GDF5: variants seen among roughly 807,000 people sequenced by gnomAD.
GDF5 encodes the protein growth differentiation factor 5.
A neutral mutation model predicts 34.6 loss-of-function variants in GDF5; 17 were observed. The ratio of observed to expected loss-of-function variants is 0.49; its 90% CI spans 0.34 to 0.74. The LOEUF is 0.74. Ranked by LOEUF, GDF5 falls within the 30% of genes least tolerant of loss-of-function variation. The probability of loss-of-function intolerance (pLI) is 0.01; values close to 1 mark genes in which losing one functional copy is unlikely to be tolerated. For synonymous variants in GDF5, 332 were observed against 290.7 expected, an observed-to-expected ratio of 1.14 and a Z score of -1.44; for missense variants, 616 against 661.2, an observed-to-expected ratio of 0.93 and a Z score of 0.75.
At chr20:35,447,445 T>C (rs765746902) in intron 1 of GDF5, among the ~76,000 whole-genome samples, 5 of 152,180 alleles carry the variant, frequency 3.3e-5, no homozygotes, top group Non-Finnish European at 5.9e-5. Context: ...CTTCTGTCCA[T>C]AAGTCAATCA....
Position 35,437,326 on chromosome 20 carries a change from G to C in GDF5, c.603C>G (p.Thr201=), listed in dbSNP as rs1015439138. The C allele has an allele frequency of 1.2e-6, 2 of 1,612,920 alleles. No individual in the cohort carries two copies. Residue 201 remains threonine (T), a synonymous_variant, in exon 1 of 2, where the codon ACC becomes ACG. Coordinates refer to ENST00000374369, the MANE Select transcript of GDF5 (RefSeq NM_000557.5). ...GCCCTTTGTCAATAAAGCTGGTGATGGTGTTGGCCAGGCCAGCCTCCAACT... is the reference window on the plus strand; with the variant it reads ...GCCCTTTGTCAATAAAGCTGGTGATCGTGTTGGCCAGGCCAGCCTCCAACT... ...SVKLEAGLAN[T]ITSFIDKGQD... is the part of the protein sequence containing the mutation.
At chr20:35,435,422 G>A (rs1002929711) in intron 1 of GDF5, 22 of 114,308 alleles carry the variant, frequency 1.9e-4, no homozygotes, top group African/African-American at 6.6e-4. Flanking sequence ...ATTGCACTCC[G>A]GCCTGGGCAA....
intron 1 of GDF5, among the ~76,000 whole-genome samples, chr20:35,444,837 C>T (rs928082160): frequency 4.6e-5 from 7 of 152,162 alleles, no homozygotes; most frequent in African/African-American, 1.7e-4. Context: ...TCCTGATCTG[C>T]CCACCTAGGC....
intron 1 of GDF5, among the ~76,000 whole-genome samples, chr20:35,445,578 C>A (rs1398955277): frequency 6.6e-6 from 1 of 151,882 alleles, no homozygotes; most frequent in Non-Finnish European, 1.5e-5. Flanking sequence ...GCAGGAAAAT[C>A]ATTTGAACCC....
Position 35,434,191 on chromosome 20 carries a change from G to A in GDF5, c.1224C>T (p.Asn408=), listed in dbSNP as rs747431325. 27 of 1,614,230 alleles carry A rather than the reference G, an allele frequency of 1.7e-5. No homozygotes were observed. Among genetic ancestry groups the A allele is most frequent in the Non-Finnish European group, 2.0e-5 (24 of 1,180,046 alleles). Residue 408 remains asparagine, a synonymous_variant, in exon 2 of 2, where the codon AAC becomes AAT. Transcript: ENST00000374369. ...ARCSRKALHV[N]FKDMGWDDWI... is the part of the protein sequence containing the mutation. ...AGTCGTCCCAGCCCATGTCCTTGAA[G>A]TTGACATGCAGTGCCTTCCGACTGC... is the stretch of plus-strand genomic sequence containing the variant.
At chr20:35,452,009 T>A (rs976612883) in intron 1 of GDF5, among the ~76,000 whole-genome samples, 1 of 152,216 alleles carries the variant, frequency 6.6e-6, no homozygotes, top group Non-Finnish European at 1.5e-5. Context: ...CTCCACCTCC[T>A]GTCAGTTCAG....
In GDF5 at chr20:35,434,167, G is replaced by A. The variant is rs772093879; in HGVS notation, c.1248C>T (p.Asp416=). The stretch of plus-strand genomic sequence containing the variant: ...CGTACTCAAGGGGTGCGATGATCCA[G>A]TCGTCCCAGCCCATGTCCTTGAAGT... The part of the protein sequence containing the change: ...HVNFKDMGWD[D]WIIAPLEYEA... Residue 416 remains aspartate (D), a synonymous_variant, in exon 2 of 2, where the codon GAC becomes GAT. Coordinates refer to ENST00000374369, the MANE Select transcript of GDF5 (RefSeq NM_000557.5). 2 of 1,614,182 alleles carry A rather than the reference G, an allele frequency of 1.2e-6. No individual in the cohort carries two copies. Among genetic ancestry groups the A allele is most frequent in the Admixed American group, 1.7e-5 (1 of 60,020 alleles).
At chr20:35,439,012 C>A (rs1329154891), upstream of GDF5, among the ~76,000 whole-genome samples, 1 of 151,950 alleles carries the variant, frequency 6.6e-6, no homozygotes, top group African/African-American at 2.4e-5. Flanking sequence ...TCAGTGCCCA[C>A]TACACCCCCT....
intron 1 of GDF5, among the ~76,000 whole-genome samples, chr20:35,437,049 T>C (rs1281025461): frequency 2.6e-5 from 4 of 152,202 alleles, no homozygotes; most frequent in African/African-American, 9.6e-5. Context: ...GTCTCTTCTC[T>C]AGGCTTTAGT....
At chr20:35,454,687 A>G (rs1322586241) in exon 1 of GDF5, 1 of 152,216 alleles carries the variant, frequency 6.6e-6, no homozygotes, top group East Asian at 1.9e-4. Flanking sequence ...CTGAGCAGCA[A>G]GGTGAACAAC....
rs1425498062 is a variant in GDF5 at position 35,433,940 on chromosome 20, T to C, written c.1475A>G (p.Asp492Gly). ...ANNVVYKQYEDMVVESCGCR is the reference protein window; with the variant it reads ...ANNVVYKQYEGMVVESCGCR ...GCAGCCACACGACTCCACGACCATG[T>C]CCTCATACTGCTTATACACCACGTT... Residue 492 changes from aspartate to glycine, a missense_variant, in exon 2 of 2, where the codon GAC becomes GGC. By Grantham distance (94) the Asp-to-Gly change is moderately conservative. Transcript: ENST00000374369. 1 of 1,614,058 alleles carries C rather than the reference T, an allele frequency of 6.2e-7. No homozygotes were observed. The highest frequency in any genetic ancestry group is 1.3e-5 in the African/African-American group (1 of 75,012).
intron 1 of GDF5, chr20:35,435,532 A>G (rs2062468814): frequency 1.4e-5 from 2 of 146,208 alleles, no homozygotes; most frequent in Middle Eastern, 7.4e-3. Context: ...CCCAAGGTTC[A>G]GAGAAGTTAG....
upstream of GDF5, among the ~76,000 whole-genome samples, chr20:35,443,206 C>T (rs1454573070): frequency 6.6e-6 from 1 of 152,168 alleles, no homozygotes; most frequent in African/African-American, 2.4e-5. Context: ...TGACTAATCA[C>T]TTTGGTTCCC....
chr20:35,445,389 G>A (rs975780667), intron 1 of GDF5, among the ~76,000 whole-genome samples: 1 of 152,120 alleles, frequency 6.6e-6, no homozygotes, highest in Non-Finnish European at 1.5e-5. Flanking sequence ...AACTGGCCGG[G>A]TGCAGTGGCT....
Position 35,437,772 on chromosome 20 carries a change from G to T in GDF5, c.157C>A (p.Leu53Met). The T allele has an allele frequency of 6.2e-7, 1 of 1,611,564 alleles. No homozygotes were observed. The highest frequency in any genetic ancestry group is 2.2e-5 in the East Asian group (1 of 44,824). The change falls in exon 1 of 2, where the codon CTG (leucine) becomes ATG (methionine). Residue 53 changes from leucine to methionine, a missense_variant. Transcript: ENST00000374369. Reference protein sequence around the residue: ...AKAEAKERPPLARNVFRPGGH... With the variant: ...AKAEAKERPPMARNVFRPGGH... ...CCTGGCCTGAAGACGTTCCGGGCCA[G>T]GGGGGGCCTCTCCTTGGCCTCTGCT...
chr20:35,450,075 G>A (rs2062525858), intron 1 of GDF5, among the ~76,000 whole-genome samples: 1 of 151,866 alleles, frequency 6.6e-6, no homozygotes, highest in Admixed American at 6.6e-5. Flanking sequence ...AGCCGAGGTG[G>A]GCGGATCACT....
Position 35,438,164 on chromosome 20 carries a change from C to T in GDF5, c.-236G>A, listed in dbSNP as rs1190526111. 1.2e-5 allele frequency: 7 copies of T among 580,266 alleles called. No individual in the cohort carries two copies. Among genetic ancestry groups the T allele is most frequent in the African/African-American group, 1.9e-5 (1 of 53,562 alleles). 35.9% of individuals were successfully genotyped at this position (580,266 alleles called of 1,614,324 possible). A position where few individuals can be genotyped will look rare whatever the true frequency, so the allele number is the denominator to read the frequency against. ...TATCCAGACGTGCACCGTCTCCAGT[C>T]AGCAGCTGAAAATAACTCGTTCTTG... On this transcript the variant is annotated 5_prime_UTR_variant, in exon 1 of 2. Coordinates refer to ENST00000374369, the MANE Select transcript of GDF5 (RefSeq NM_000557.5).
At chr20:35,435,172 T>C in intron 1 of GDF5, 1 of 484,470 alleles carries the variant, frequency 2.1e-6, no homozygotes, top group East Asian at 3.6e-5. Context: ...TCCTGTTGAC[T>C]GGGCACAGTG....
chr20:35,451,064 A>AAT (rs1555824832), intron 1 of GDF5, among the ~76,000 whole-genome samples: 24 of 69,096 alleles, frequency 3.5e-4, no homozygotes, highest in African/African-American at 1.6e-3. Context: ...AAAAAAAAAA[A>AAT]ATATATATAT....
Sources: gnomAD v4.1 joint callset for allele counts (sites outside exome capture counted in the v4.1 genomes callset) on GRCh38, gnomAD v4.1.1 for gene constraint, MANE v1.5 for transcripts, NCBI Gene and HGNC (gene_info 2026-07-23, HGNC 2026-07-21) for gene names.